Variants in SPAG6 observed in about 807,000 individuals in gnomAD.
SPAG6 encodes the protein sperm-associated antigen 6.
Under a neutral mutation model 58.5 loss-of-function variants are expected in SPAG6, and 49 were observed. The ratio of observed to expected loss-of-function variants is 0.84; its 90% CI spans 0.67 to 1.06. The LOEUF (loss-of-function observed/expected upper bound fraction) is 1.06. SPAG6 is among the 50% of genes least tolerant of loss of function. SPAG6 has a pLI of 0.00. For missense variants in SPAG6, 560 were observed against 611.3 expected (o/e 0.92, Z 0.89); for synonymous variants, 233 against 225.6 (o/e 1.03, Z -0.29).
At chr10:22,346,302 C>T (rs757132624) in intron 2 of SPAG6, among the ~76,000 whole-genome samples, 24 of 151,830 alleles carry the variant, frequency 1.6e-4, no homozygotes, top group Non-Finnish European at 3.1e-4. Context: ...CCAGACTTTG[C>T]GAAATCCTTA....
Position 22,345,544 on chromosome 10 carries a change from T to G in SPAG6, c.-68T>G. On this transcript the variant is annotated 5_prime_UTR_variant, in exon 1 of 11. Transcript: ENST00000376624. This position sits in a 1 kb window ranked among gnomAD's most constrained non-coding sequence, Gnocchi z 6.3. ...CCGAGTCGTCGCCACGATCGCCCCC[T>G]TGGTGGACTCGCAGGCCGAGCGGCT... 2 of 1,380,820 alleles carry G rather than the reference T, an allele frequency of 1.4e-6. No homozygotes were observed. Among genetic ancestry groups the G allele is most frequent in the Non-Finnish European group, 2.0e-6 (2 of 1,018,410 alleles). The allele number at this position is 1,380,820 out of a possible 1,614,324, so 85.5% of individuals were successfully genotyped here. A position where few individuals can be genotyped will look rare whatever the true frequency, so the allele number is the denominator to read the frequency against.
chr10:22,393,993 A>C (rs1834238162), intron 8 of SPAG6, among the ~76,000 whole-genome samples: 1 of 152,212 alleles, frequency 6.6e-6, no homozygotes, highest in Admixed American at 6.5e-5. Flanking sequence ...ATTGGTTTCC[A>C]TGCAGGAGAA....
intron 9 of SPAG6, among the ~76,000 whole-genome samples, chr10:22,406,239 A>G (rs988509582): frequency 6.6e-6 from 1 of 151,792 alleles, no homozygotes; most frequent in African/African-American, 2.4e-5. Context: ...TAGGGTGTCA[A>G]TTTTGGATCT....
chr10:22,355,209 G>A (rs1052300982), intron 2 of SPAG6, among the ~76,000 whole-genome samples: 9 of 152,178 alleles, frequency 5.9e-5, no homozygotes, highest in African/African-American at 9.7e-5. Context: ...AGGAGAAACC[G>A]GAGAGCATAG....
chr10:22,348,595 A>T (rs928115089), intron 2 of SPAG6, among the ~76,000 whole-genome samples: 18 of 152,366 alleles, frequency 1.2e-4, no homozygotes, highest in Middle Eastern at 3.4e-3. Context: ...TCATGATCAA[A>T]CCAGTAATTC....
intron 2 of SPAG6, chr10:22,360,894 T>G: frequency 1.9e-6 from 2 of 1,077,810 alleles, no homozygotes; most frequent in Non-Finnish European, 1.4e-6. Context: ...TTTATTTCCT[T>G]CCTTCCTTCC....
intron 2 of SPAG6, 51 bp from the exon 3 acceptor site, chr10:22,364,802 G>A: frequency 7.1e-7 from 1 of 1,402,868 alleles, no homozygotes. Context: ...TTGTATTTTT[G>A]CTTTTTAATT....
chr10:22,406,933 T>C (rs936646213), intron 9 of SPAG6, among the ~76,000 whole-genome samples: 10 of 152,032 alleles, frequency 6.6e-5, no homozygotes, highest in African/African-American at 2.4e-4. Context: ...GTTTAAAGTC[T>C]GTTTTATCAG....
intron 10 of SPAG6, chr10:22,412,497 A>G (rs1834765540): frequency 3.3e-6 from 5 of 1,526,876 alleles, no homozygotes; most frequent in African/African-American, 1.4e-5. Flanking sequence ...GTTTATGAGA[A>G]CTCCTTGACC....
chr10:22,381,220 A>G (rs1393388302), intron 4 of SPAG6, among the ~76,000 whole-genome samples: 1 of 152,046 alleles, frequency 6.6e-6, no homozygotes, highest in Non-Finnish European at 1.5e-5. Context: ...GCTGTTTTAG[A>G]GGGTGTAAGA....
intron 4 of SPAG6, among the ~76,000 whole-genome samples, chr10:22,374,602 TAAAAAAA>T (rs764220934): frequency 2.1e-5 from 2 of 97,154 alleles, no homozygotes; most frequent in Admixed American, 1.1e-4. Context: ...ACCCTGTATG[TAAAAAAA>T]AAAAAAAAAA....
Position 22,368,518 on chromosome 10 carries a change from C to G in SPAG6, c.312C>G (p.Ala104=). Residue 104 remains alanine (A), a synonymous_variant, in exon 4 of 11, where the codon GCC becomes GCG. Transcript: ENST00000376624. Reference sequence around the variant, plus strand: ...AGCGCTTCTACAAGAAAGCAGCTGCCTTTGTGTTACGAGCAGTTGGTAAAC... The same window carrying G: ...AGCGCTTCTACAAGAAAGCAGCTGCGTTTGTGTTACGAGCAGTTGGTAAAC... ...EQNRFYKKAA[A]FVLRAVGKHS... is the part of the protein sequence containing the mutation. 6.2e-7 allele frequency: 1 copy of G among 1,613,612 alleles called. No homozygotes were observed. The highest frequency in any genetic ancestry group is 1.7e-5 in the Admixed American group (1 of 59,982).
chr10:22,376,659 C>A (rs771805519), intron 4 of SPAG6, among the ~76,000 whole-genome samples: 1 of 151,642 alleles, frequency 6.6e-6, no homozygotes, highest in Middle Eastern at 3.2e-3. Flanking sequence ...GTGTGTATGA[C>A]CTGTAGTAGC....
At chr10:22,366,516 A>G (rs577967827) in intron 3 of SPAG6, among the ~76,000 whole-genome samples, 1 of 152,324 alleles carries the variant, frequency 6.6e-6, no homozygotes, top group South Asian at 2.1e-4. Flanking sequence ...TGAATGCACT[A>G]AATGCCACTA....
intron 8 of SPAG6, among the ~76,000 whole-genome samples, chr10:22,395,493 C>A (rs1564375937): frequency 6.6e-6 from 1 of 151,994 alleles, no homozygotes; most frequent in Non-Finnish European, 1.5e-5. Context: ...TGTTGAAAAT[C>A]TTTTCATATG....
At chr10:22,385,806 T>C (rs1834051287) in intron 4 of SPAG6, among the ~76,000 whole-genome samples, 1 of 152,196 alleles carries the variant, frequency 6.6e-6, no homozygotes. Context: ...TTAAGACATT[T>C]ATATATAACT....
At position 22,406,026 on chromosome 10, in the gene SPAG6, CT is replaced by C. The variant is rs979626104; in HGVS notation, c.1314+4756del. Among the ~76,000 whole-genome samples, 12 of 152,238 alleles carry C rather than the reference CT, an allele frequency of 7.9e-5. 3 individuals carry two copies. Among genetic ancestry groups the C allele is most frequent in the African/African-American group, 2.6e-4 (11 of 41,522 alleles). The stretch of plus-strand genomic sequence containing the variant: ...TATTGCGTCTATCTGATTCTTCTCT[CT>C]TTTTTTCTTTATTAGTCTTGCTAGC... On this transcript the variant is annotated intron_variant, in intron 9 of 10. Transcript: ENST00000376624.
At chr10:22,354,067 A>C (rs930306881) in intron 2 of SPAG6, among the ~76,000 whole-genome samples, 1 of 152,228 alleles carries the variant, frequency 6.6e-6, no homozygotes, top group African/African-American at 2.4e-5. Flanking sequence ...TATGAAGTTT[A>C]GATTTCTCCT....
intron 8 of SPAG6, among the ~76,000 whole-genome samples, chr10:22,398,335 G>C (rs1422684646): frequency 1.3e-5 from 2 of 152,090 alleles, no homozygotes; most frequent in Non-Finnish European, 2.9e-5. Context: ...CCTCAGGTTA[G>C]GCAATTATTT....
Sources: gnomAD v4.1 joint callset for allele counts (sites outside exome capture counted in the v4.1 genomes callset) on GRCh38, gnomAD v4.1.1 for gene constraint, Gnocchi (gnomAD v3.1) non-coding constraint, MANE v1.5 for transcripts, NCBI Gene and HGNC (gene_info 2026-07-23, HGNC 2026-07-21) for gene names.